ZC3H12B: variants seen among roughly 807,000 people sequenced by gnomAD.
ZC3H12B encodes zinc finger CCCH-type containing 12B.
In ZC3H12B, 7 loss-of-function variants were observed where a neutral mutation model predicts 43.9. The observed-to-expected ratio is 0.16, with a 90% confidence interval of 0.09 to 0.30. ZC3H12B has a LOEUF of 0.30. Ranked by LOEUF, ZC3H12B falls within the 10% of genes least tolerant of loss-of-function variation. ZC3H12B has a pLI of 1.00. For synonymous variants in ZC3H12B, 222 were observed against 241.7 expected (o/e 0.92, Z 0.76); for missense variants, 475 against 670.2 (o/e 0.71, Z 3.22).
chrX:65,388,543 T>G (rs1205373906), intron 2 of ZC3H12B, among the ~76,000 whole-genome samples: 1 of 111,760 alleles, frequency 8.9e-6, no homozygotes, highest in Admixed American at 9.5e-5. Flanking sequence ...GCCATTTGTC[T>G]AATTTTTTTT....
chrX:65,449,647 C>T (rs2067441556), intron 3 of ZC3H12B, among the ~76,000 whole-genome samples: 1 of 110,701 alleles, frequency 9.0e-6, no homozygotes, highest in African/African-American at 3.3e-5. Flanking sequence ...ATTGATATGT[C>T]TACAACACGG....
At chrX:65,292,815 T>A in the ZC3H12B span, among the ~76,000 whole-genome samples, 1 of 110,204 alleles carries the variant, frequency 9.1e-6, no homozygotes, top group African/African-American at 3.3e-5. Context: ...CAAGACTTTG[T>A]CTCTACAGAT....
chrX:65,317,216 T>C, the ZC3H12B span, among the ~76,000 whole-genome samples: 95 of 106,997 alleles, frequency 8.9e-4, no homozygotes, highest in African/African-American at 3.2e-3. Flanking sequence ...TACTCTAAAA[T>C]TGACCAAAAA....
chrX:65,448,014 C>A (rs1434436352), intron 3 of ZC3H12B, among the ~76,000 whole-genome samples: 1 of 110,935 alleles, frequency 9.0e-6, no homozygotes, highest in African/African-American at 3.3e-5. Flanking sequence ...AGGTGGATCA[C>A]GAGGTCAGGA....
At chrX:65,158,100 A>T in the ZC3H12B span, among the ~76,000 whole-genome samples, 1 of 107,903 alleles carries the variant, frequency 9.3e-6, no homozygotes. Context: ...AAGGACATGA[A>T]CTCATCATTT....
the ZC3H12B span, among the ~76,000 whole-genome samples, chrX:65,099,428 G>A: frequency 9.0e-6 from 1 of 111,690 alleles, no homozygotes; most frequent in Admixed American, 9.5e-5. Flanking sequence ...CGTACCTCCT[G>A]ACTGGGAGAA....
chrX:65,362,093 C>T (rs1161291414), upstream of ZC3H12B, among the ~76,000 whole-genome samples: 1 of 111,933 alleles, frequency 8.9e-6, no homozygotes, highest in Non-Finnish European at 1.9e-5. Context: ...ATCGGACTGT[C>T]CAACCCAGCA....
chrX:65,183,840 T>G, the ZC3H12B span, among the ~76,000 whole-genome samples: 2 of 111,597 alleles, frequency 1.8e-5, no homozygotes, highest in Admixed American at 9.6e-5. Context: ...AAGGAATATT[T>G]ATAGATAAGT....
At chrX:65,134,988 G>A in the ZC3H12B span, among the ~76,000 whole-genome samples, 7 of 110,952 alleles carry the variant, frequency 6.3e-5, no homozygotes, top group Non-Finnish European at 1.1e-4. Context: ...GTTAAGGCAG[G>A]AACCAGCCAT....
the ZC3H12B span, among the ~76,000 whole-genome samples, chrX:65,082,901 A>G: frequency 9.0e-6 from 1 of 111,476 alleles, no homozygotes; most frequent in Non-Finnish European, 1.9e-5. Flanking sequence ...TAGAAAGATC[A>G]TTCATCATGA....
the ZC3H12B span, among the ~76,000 whole-genome samples, chrX:65,313,921 A>T: frequency 8.9e-6 from 1 of 111,985 alleles, no homozygotes; most frequent in Non-Finnish European, 1.9e-5. Context: ...GGCCAAGGTG[A>T]ATACTCTTGA....
At chrX:65,311,850 T>C in the ZC3H12B span, among the ~76,000 whole-genome samples, 1 of 111,181 alleles carries the variant, frequency 9.0e-6, no homozygotes, top group Admixed American at 9.6e-5. Context: ...TGCAGGGACA[T>C]GGATGCAGCT....
chrX:65,050,846 T>G, the ZC3H12B span, among the ~76,000 whole-genome samples: 2 of 111,876 alleles, frequency 1.8e-5, no homozygotes, highest in Non-Finnish European at 3.8e-5. Context: ...TGAAGATTTT[T>G]GCATCTATGC....
At chrX:65,465,007 T>A (rs187625529) in intron 3 of ZC3H12B, among the ~76,000 whole-genome samples, 36 of 111,387 alleles carry the variant, frequency 3.2e-4, no homozygotes, top group Admixed American at 5.8e-4. Context: ...TCAATCTTTT[T>A]AAATTTATTG....
At chrX:65,288,146 A>C in the ZC3H12B span, among the ~76,000 whole-genome samples, 1 of 110,855 alleles carries the variant, frequency 9.0e-6, no homozygotes. Flanking sequence ...AATAACAAGT[A>C]GTGAGATTTA....
At chrX:65,074,093 A>G in the ZC3H12B span, among the ~76,000 whole-genome samples, 2 of 111,317 alleles carry the variant, frequency 1.8e-5, no homozygotes, top group South Asian at 7.5e-4. Flanking sequence ...ATTTTCATTT[A>G]TCTTTGGGCT....
chrX:65,114,344 G>A, the ZC3H12B span, among the ~76,000 whole-genome samples: 2 of 109,424 alleles, frequency 1.8e-5, no homozygotes, highest in Non-Finnish European at 3.8e-5. Context: ...TTAATACTTG[G>A]TAGACTTGGT....
At chrX:65,173,903 T>C in the ZC3H12B span, among the ~76,000 whole-genome samples, 3 of 111,527 alleles carry the variant, frequency 2.7e-5, no homozygotes, top group Non-Finnish European at 5.7e-5. Flanking sequence ...TTGAGACTGA[T>C]GACCTTTGGA....
the ZC3H12B span, among the ~76,000 whole-genome samples, chrX:65,173,227 A>G: frequency 2.7e-5 from 3 of 111,333 alleles, no homozygotes; most frequent in African/African-American, 9.8e-5. Flanking sequence ...CTGCTTATCT[A>G]TTGTTGGTGT....
Sources: gnomAD v4.1 joint callset for allele counts (sites outside exome capture counted in the v4.1 genomes callset) on GRCh38, gnomAD v4.1.1 for gene constraint, MANE v1.5 for transcripts, NCBI Gene and HGNC (gene_info 2026-07-23, HGNC 2026-07-21) for gene names.